The following RIMS1 variants were observed in gnomAD, a reference collection of about 807,000 sequenced individuals.
The protein encoded by RIMS1 is regulating synaptic membrane exocytosis 1, also known as regulating synaptic membrane exocytosis protein 1.
RIMS1 carries 83 observed loss-of-function variants against 214.1 expected under a neutral mutation model. That is an observed-to-expected ratio of 0.39 (90% confidence interval 0.32 to 0.47). RIMS1 has a LOEUF of 0.47. Ranked by LOEUF, RIMS1 falls within the 20% of genes least tolerant of loss-of-function variation. The pLI is 0.99. For synonymous variants in RIMS1, 793 were observed against 786.8 expected, an observed-to-expected ratio of 1.01 and a Z score of -0.13; for missense variants, 2,050 against 2,161.8, an observed-to-expected ratio of 0.95 and a Z score of 1.03.
chr6:72,117,447 G>A (rs2037312058), intron 4 of RIMS1, among the ~76,000 whole-genome samples: 1 of 151,806 alleles, frequency 6.6e-6, no homozygotes, highest in African/African-American at 2.4e-5. Flanking sequence ...TTGATGATCT[G>A]TCTAGTCCTG....
intron 4 of RIMS1, among the ~76,000 whole-genome samples, chr6:72,160,350 C>G (rs577859996): frequency 1.4e-5 from 2 of 139,832 alleles, no homozygotes; most frequent in African/African-American, 4.9e-5. Context: ...TTGACTTCCT[C>G]GTTTCCTAAT....
intron 6 of RIMS1, among the ~76,000 whole-genome samples, chr6:72,201,997 G>A (rs970775834): frequency 1.3e-5 from 2 of 152,124 alleles, no homozygotes; most frequent in African/African-American, 2.4e-5. Flanking sequence ...TTCATACCTC[G>A]TGGGGCATTT....
At chr6:72,341,818 G>A (rs1005974795) in intron 29 of RIMS1, among the ~76,000 whole-genome samples, 6 of 151,754 alleles carry the variant, frequency 4.0e-5, no homozygotes, top group African/African-American at 1.4e-4. Context: ...TAGATGATTT[G>A]TTCTAACCAT....
intron 1 of RIMS1, among the ~76,000 whole-genome samples, chr6:71,889,283 A>G (rs1582856429): frequency 1.3e-5 from 2 of 152,142 alleles, no homozygotes. Flanking sequence ...AGAATTCCAA[A>G]CCTGCTAACT....
At chr6:72,261,805 A>T in intron 19 of RIMS1, 1 of 985,250 alleles carries the variant, frequency 1.0e-6, no homozygotes, top group South Asian at 4.7e-5. Context: ...TATACTACTC[A>T]TAACTACTGC....
intron 22 of RIMS1, 199 bp downstream of exon 22, chr6:72,266,248 A>G (rs1042928631): frequency 1.7e-6 from 1 of 590,424 alleles, no homozygotes; most frequent in African/African-American, 1.9e-5. Context: ...ACACATACAC[A>G]TATTTCTATG....
intron 1 of RIMS1, among the ~76,000 whole-genome samples, chr6:71,922,085 C>T (rs1161489028): frequency 6.6e-6 from 1 of 152,204 alleles, no homozygotes; most frequent in Non-Finnish European, 1.5e-5. Flanking sequence ...CATAGTTCCA[C>T]TTCTCACATA....
intron 4 of RIMS1, among the ~76,000 whole-genome samples, chr6:72,108,783 C>T (rs1028386221): frequency 6.6e-6 from 1 of 151,388 alleles, no homozygotes; most frequent in Admixed American, 6.6e-5. Context: ...ATGTGCCATG[C>T]TGGTGTGCTG....
chr6:72,291,919 GC>G lies in RIMS1; in HGVS notation c.3738-14del. The G allele has an allele frequency of 6.5e-7, 1 of 1,540,494 alleles. No homozygotes were observed. The highest frequency in any genetic ancestry group is 8.8e-7 in the Non-Finnish European group (1 of 1,136,266). On this transcript the variant is annotated splice_polypyrimidine_tract_variant and intron_variant, in intron 25 of 33. Transcript: ENST00000521978. ...AATTTCATTGTTTCATGCCCGCTTTGCTTTTTGCCTGCAGAATGCACCGACA... is the reference window on the plus strand; with the variant it reads ...AATTTCATTGTTTCATGCCCGCTTTGTTTTTGCCTGCAGAATGCACCGACA...
intron 6 of RIMS1, among the ~76,000 whole-genome samples, chr6:72,190,463 CAAAAAAAAAA>C (rs59655989): frequency 1.7e-4 from 22 of 128,492 alleles, no homozygotes; most frequent in Admixed American, 2.4e-4. Context: ...AACTCTGTCT[CAAAAAAAAAA>C]AAAAAAAAAA....
At chr6:72,391,017 TA>T (rs2154438879) in intron 30 of RIMS1, 1 of 275,280 alleles carries the variant, frequency 3.6e-6, no homozygotes, top group East Asian at 6.3e-5. Context: ...ACTGGATGTT[TA>T]GTGTACAAAT....
intron 6 of RIMS1, among the ~76,000 whole-genome samples, chr6:72,201,945 A>G (rs1231786571): frequency 6.6e-6 from 1 of 152,184 alleles, no homozygotes; most frequent in African/African-American, 2.4e-5. Flanking sequence ...GATGTCAACT[A>G]CTGTATTGGA....
intron 1 of RIMS1, among the ~76,000 whole-genome samples, chr6:71,946,064 C>A (rs966948995): frequency 6.6e-6 from 1 of 152,078 alleles, no homozygotes; most frequent in African/African-American, 2.4e-5. Context: ...CCGATCTACA[C>A]TTGCTTCAAA....
At chr6:72,219,674 T>TC (rs2057705183) in intron 6 of RIMS1, among the ~76,000 whole-genome samples, 1 of 150,484 alleles carries the variant, frequency 6.6e-6, no homozygotes, top group Admixed American at 6.6e-5. Context: ...TTTGAGGGTT[T>TC]TTTTTTGTTT....
At chr6:72,247,476 G>A (rs1241387968) in intron 11 of RIMS1, among the ~76,000 whole-genome samples, 2 of 149,928 alleles carry the variant, frequency 1.3e-5, no homozygotes, top group Non-Finnish European at 3.0e-5. Flanking sequence ...TGGAGGTTGC[G>A]GTGAGCCAAG....
At chr6:71,968,643 G>C (rs911948147) in intron 1 of RIMS1, among the ~76,000 whole-genome samples, 1 of 152,208 alleles carries the variant, frequency 6.6e-6, no homozygotes, top group Non-Finnish European at 1.5e-5. Context: ...CGCAACAGCT[G>C]TTCCTATTTT....
chr6:72,399,147 C>T (rs2098811791), intron 33 of RIMS1, 53 bp downstream of exon 33: 6 of 1,429,574 alleles, frequency 4.2e-6, no homozygotes, highest in Middle Eastern at 3.6e-4. Flanking sequence ...TTTACCCATA[C>T]ATCGAAGAGA....
rs570381780 is a variant in RIMS1, at chr6:72,311,366, G to A, written c.3964-2140G>A. On this transcript the variant is annotated intron_variant, in intron 27 of 33. Coordinates refer to ENST00000521978, the MANE Select transcript of RIMS1 (RefSeq NM_014989.7). The stretch of plus-strand genomic sequence containing the variant: ...TTTTAGCACATATACTCTGTAAATT[G>A]AAAACAGATCTGATTAAAATGAATT... Among the ~76,000 whole-genome samples the A allele has an allele frequency of 3.9e-5, 6 of 152,252 alleles. No homozygotes were observed. In the South Asian group the frequency reaches 1.2e-3, roughly 31 times the overall value.
intron 1 of RIMS1, among the ~76,000 whole-genome samples, chr6:71,927,759 G>A (rs1781950801): frequency 6.6e-6 from 1 of 151,914 alleles, no homozygotes; most frequent in South Asian, 2.1e-4. Flanking sequence ...GAATGTATTA[G>A]CATCAGTATC....
Sources: allele counts gnomAD v4.1 joint callset (sites outside exome capture counted in the v4.1 genomes callset), GRCh38; gene constraint gnomAD v4.1.1; transcripts MANE v1.5; gene names NCBI Gene and HGNC (gene_info 2026-07-23, HGNC 2026-07-21).